MYCBP2: variants seen among roughly 807,000 people sequenced by gnomAD.
The protein encoded by MYCBP2 is E3 ubiquitin-protein ligase MYCBP2.
A neutral mutation model predicts 525.3 loss-of-function variants in MYCBP2; 120 were observed. The observed-to-expected ratio is 0.23, with a 90% CI of 0.20 to 0.27. The LOEUF (loss-of-function observed/expected upper bound fraction) is 0.27, where lower values mean the gene tolerates loss of function less well. Among genes scored for constraint, MYCBP2 ranks in the 10% least tolerant of loss-of-function variants. The pLI, the probability that MYCBP2 is intolerant of heterozygous loss-of-function variation, is 1.00. For missense variants in MYCBP2, 4,149 were observed against 5,657.1 expected, an observed-to-expected ratio of 0.73 and a Z score of 8.55; for synonymous variants, 1,894 against 1,955.8, an observed-to-expected ratio of 0.97 and a Z score of 0.83.
intron 65 of MYCBP2, among the ~76,000 whole-genome samples, chr13:77,079,658 A>G (rs930224455): frequency 1.3e-5 from 2 of 152,158 alleles, no homozygotes; most frequent in South Asian, 4.1e-4. Flanking sequence ...TTTATTAGAA[A>G]TATTTGGGAC....
In MYCBP2 at chr13:77,044,732, T is replaced by A; in HGVS notation, c.*646A>T. On this transcript the variant is annotated 3_prime_UTR_variant, in exon 83 of 83. Transcript: ENST00000544440. ...TTCCAATATGTTTACAGCTGCAAGA[T>A]AATGAGGCACACTCAGTATTGCACT... 1 of 398,736 alleles carries A rather than the reference T, an allele frequency of 2.5e-6. No homozygotes were observed. Among genetic ancestry groups the A allele is most frequent in the East Asian group, 3.6e-5 (1 of 27,978 alleles). 24.7% of individuals were successfully genotyped at this position (398,736 alleles called of 1,614,324 possible).
intron 55 of MYCBP2, among the ~76,000 whole-genome samples, chr13:77,118,046 T>G (rs1174054092): frequency 6.6e-6 from 1 of 152,038 alleles, no homozygotes; most frequent in Non-Finnish European, 1.5e-5. Context: ...CTGATAAGAG[T>G]GAAATGGCTT....
In MYCBP2 at chr13:77,081,495, T is replaced by C; in HGVS notation, c.11350A>G (p.Ile3784Val). 2 of 1,613,320 alleles carry C rather than the reference T, an allele frequency of 1.2e-6. No individual in the cohort carries two copies. The highest frequency in any genetic ancestry group is 4.5e-5 in the East Asian group (2 of 44,874). The stretch of plus-strand genomic sequence containing the variant: ...GCATTGATTCCTTTTACACAGTTGA[T>C]GGTGATGTTCTTAGTTTTGTTTTTA... ...EDKNKTKNIT[I>V]NCVKGINARY... The change falls in exon 65 of 83, where the codon ATC (isoleucine) becomes GTC (valine). Residue 3784 changes from isoleucine (I) to valine (V), a missense_variant. Physicochemically the swap from Ile to Val is conservative, Grantham distance 29. Around this residue, in one of 21 missense-constraint regions of MYCBP2, gnomAD observed 509 missense variants for 789.4 expected, o/e 0.64. Transcript: ENST00000544440. The surrounding 1 kb of genome is among the most constrained non-coding windows in gnomAD (Gnocchi z 4.6).
At chr13:77,242,684 C>T (rs1287750491) in intron 17 of MYCBP2, among the ~76,000 whole-genome samples, 1 of 152,048 alleles carries the variant, frequency 6.6e-6, no homozygotes, top group African/African-American at 2.4e-5. Context: ...AATTTTGTTC[C>T]ACGGTCAAAT....
chr13:77,068,408 T>TAAAAAAAAAAAAAAAAAA (rs57296816), intron 70 of MYCBP2, among the ~76,000 whole-genome samples, 157 bp downstream of exon 70: 17 of 146,054 alleles, frequency 1.2e-4, no homozygotes, highest in Non-Finnish European at 1.3e-4. Flanking sequence ...CTATAAACAG[T>TAAAAAAAAAAAAAAAAAA]AAAAAAGGGA....
chr13:77,072,893 A>G (rs2041619246), intron 68 of MYCBP2, among the ~76,000 whole-genome samples: 1 of 152,176 alleles, frequency 6.6e-6, no homozygotes, highest in South Asian at 2.1e-4. Flanking sequence ...TTATTTTGCT[A>G]CTTAAGTACT....
intron 18 of MYCBP2, among the ~76,000 whole-genome samples, chr13:77,231,087 T>C (rs1427810085): frequency 2.6e-5 from 4 of 152,188 alleles, no homozygotes; most frequent in Admixed American, 6.5e-5. Flanking sequence ...ATTGATAAAT[T>C]ATTATTTGCA....
chr13:77,194,447 T>C (rs1285786265), intron 26 of MYCBP2, among the ~76,000 whole-genome samples: 1 of 152,222 alleles, frequency 6.6e-6, no homozygotes, highest in Non-Finnish European at 1.5e-5. Flanking sequence ...TGGTCTACAT[T>C]AATCTCTGTT....
intron 2 of MYCBP2, among the ~76,000 whole-genome samples, chr13:77,289,645 G>A (rs1197836897): frequency 6.6e-6 from 1 of 151,962 alleles, no homozygotes; most frequent in East Asian, 1.9e-4. Flanking sequence ...CAGGCAAATT[G>A]GTCTACTCTC....
chr13:77,290,673 G>T (rs1455233164), intron 2 of MYCBP2, among the ~76,000 whole-genome samples: 3 of 152,166 alleles, frequency 2.0e-5, no homozygotes, highest in Non-Finnish European at 4.4e-5. Context: ...TATAAATGCT[G>T]AACAGATCAG....
At chr13:77,171,136 C>T (rs2059104528) in intron 38 of MYCBP2, among the ~76,000 whole-genome samples, 1 of 152,036 alleles carries the variant, frequency 6.6e-6, no homozygotes, top group Non-Finnish European at 1.5e-5. Flanking sequence ...GGTTAGGGTA[C>T]CCCAGAGTTT....
In MYCBP2 at chr13:77,044,675, A is replaced by G. The variant is rs1347217619; in HGVS notation, c.*703T>C. The G allele has an allele frequency of 7.5e-6, 3 of 398,552 alleles. No homozygotes were observed. Among genetic ancestry groups the G allele is most frequent in the Non-Finnish European group, 1.3e-5 (3 of 225,914 alleles). The allele number at this position is 398,552 out of a possible 1,614,324, so 24.7% of individuals were successfully genotyped here. A position where few individuals can be genotyped will look rare whatever the true frequency, so the allele number is the denominator to read the frequency against. ...ACAGTGGTAGACTTTATCACTGTAT[A>G]AAAATGTACAGTGGTTTTATTGACA... is the stretch of plus-strand genomic sequence containing the variant. On this transcript the variant is annotated 3_prime_UTR_variant, in exon 83 of 83. Transcript: ENST00000544440.
At chr13:77,071,271 G>GCACACACACACACA (rs71814048) in intron 68 of MYCBP2, among the ~76,000 whole-genome samples, 209 of 142,710 alleles carry the variant, frequency 1.5e-3, no homozygotes, top group Admixed American at 2.6e-3. Context: ...GTGTGCACAC[G>GCACACACACACACA]CACACACACA....
chr13:77,178,966 C>A (rs1214439627), intron 34 of MYCBP2, among the ~76,000 whole-genome samples: 4 of 152,158 alleles, frequency 2.6e-5, no homozygotes, highest in African/African-American at 9.7e-5. Context: ...AAATTTCTGA[C>A]AAGGGCTTCA....
chr13:77,167,994 A>T (rs571343003), intron 40 of MYCBP2, among the ~76,000 whole-genome samples: 19 of 152,234 alleles, frequency 1.2e-4, no homozygotes, highest in Middle Eastern at 3.2e-3. Context: ...AAATTTATAA[A>T]CATTTTATAC....
chr13:77,157,381 G>A (rs1024370475), intron 45 of MYCBP2, among the ~76,000 whole-genome samples: 2 of 152,132 alleles, frequency 1.3e-5, no homozygotes, highest in Non-Finnish European at 2.9e-5. Context: ...GTGCCACCAT[G>A]CCTGGCTAAT....
Position 77,176,612 on chromosome 13 carries a change from T to C in MYCBP2, c.5357A>G (p.Asp1786Gly). The C allele has an allele frequency of 6.4e-7, 1 of 1,565,088 alleles. No homozygotes were observed. Among genetic ancestry groups the C allele is most frequent in the Non-Finnish European group, 8.7e-7 (1 of 1,150,934 alleles). The change falls in exon 36 of 83, where the codon GAT (aspartate) becomes GGT (glycine). Residue 1786 changes from aspartate (D) to glycine (G), a missense_variant. By Grantham distance (94) the Asp-to-Gly change is moderately conservative. Coordinates refer to ENST00000544440, the MANE Select transcript of MYCBP2 (RefSeq NM_015057.5). ...VLVDDSEHAG[D>G]STHSHRWTSL... The stretch of plus-strand genomic sequence containing the variant: ...TGTCCATCTGTGGGAATGAGTTGAA[T>C]CTCCTGCATGTTCACTCTAAAAAAA...
chr13:77,206,911 G>T (rs2063411531), intron 23 of MYCBP2, 86 bp from the exon 24 acceptor site: 2 of 1,164,876 alleles, frequency 1.7e-6, no homozygotes, highest in Non-Finnish European at 2.3e-6. Flanking sequence ...GATACAAAGA[G>T]AATAAATAAT....
rs190357207 is a variant in MYCBP2 at position 77,221,743 on chromosome 13, C to T, written c.2939+2708G>A. Among the ~76,000 whole-genome samples, 292 of 152,282 alleles carry T rather than the reference C, an allele frequency of 1.9e-3. 1 individual carries two copies. The highest frequency in any genetic ancestry group is 3.0e-3 in the Non-Finnish European group (205 of 68,018). On this transcript the variant is annotated intron_variant, in intron 20 of 82. Transcript: ENST00000544440. ...TAAACCCTCTTCTTCTGTGTCCCAACTCTCAAATGAGAAACAGAACAAAAA... is the reference window on the plus strand; with the variant it reads ...TAAACCCTCTTCTTCTGTGTCCCAATTCTCAAATGAGAAACAGAACAAAAA...
Sources: gnomAD v4.1 joint callset for allele counts (sites outside exome capture counted in the v4.1 genomes callset) on GRCh38, gnomAD v4.1.1 for gene constraint, gnomAD v4.1.1 regional missense constraint, Gnocchi (gnomAD v3.1) non-coding constraint, MANE v1.5 for transcripts, NCBI Gene and HGNC (gene_info 2026-07-23, HGNC 2026-07-21) for gene names.